The following AIG1 variants were observed in gnomAD, a reference collection of about 807,000 sequenced individuals.
AIG1 encodes androgen-induced gene 1 protein.
Under a neutral mutation model 31.4 loss-of-function variants are expected in AIG1, and 23 were observed. That is an observed-to-expected ratio of 0.73 (90% CI 0.53 to 1.04). The LOEUF is 1.04. Ranked by LOEUF, AIG1 falls within the 50% of genes least tolerant of loss-of-function variation. AIG1 has a pLI of 0.00. For missense variants in AIG1, 274 were observed against 295.0 expected, an observed-to-expected ratio of 0.93 and a Z score of 0.52; for synonymous variants, 100 against 110.5, an observed-to-expected ratio of 0.90 and a Z score of 0.60.
At chr6:143,343,851 G>A (rs117122036), downstream of AIG1, among the ~76,000 whole-genome samples, 1,174 of 152,184 alleles carry the variant, frequency 7.7e-3, 37 homozygotes, top group Admixed American at 0.049. Flanking sequence ...CCTATTAGTT[G>A]TTTTTAATAA....
intron 4 of AIG1, among the ~76,000 whole-genome samples, chr6:143,308,080 A>G (rs919763004): frequency 9.2e-5 from 14 of 152,098 alleles, no homozygotes; most frequent in Non-Finnish European, 1.9e-4. Context: ...TTGGGGTGGG[A>G]GTGACCCGAT....
At position 143,205,844 on chromosome 6, in the gene AIG1, T is replaced by C. The variant is rs550442361; in HGVS notation, c.399+40661T>C. On this transcript the variant is annotated intron_variant, in intron 3 of 5. Transcript: ENST00000357847. ...ACAAAAGCTTTTAATAAAATACAGATTGCAGGGCAAAGAAAAGTATCAACC... is the reference window on the plus strand; with the variant it reads ...ACAAAAGCTTTTAATAAAATACAGACTGCAGGGCAAAGAAAAGTATCAACC... Among the ~76,000 whole-genome samples the C allele has an allele frequency of 9.8e-5, 15 of 152,330 alleles. 2 individuals are homozygous for C. Among genetic ancestry groups the C allele is most frequent in the African/African-American group, 3.6e-4 (15 of 41,578 alleles).
intron 1 of AIG1, among the ~76,000 whole-genome samples, chr6:143,097,562 T>A (rs1323047051): frequency 6.6e-6 from 1 of 152,174 alleles, no homozygotes; most frequent in Non-Finnish European, 1.5e-5. Context: ...AAATATCCAA[T>A]GAGCGCTCCG....
At position 143,189,073 on chromosome 6, in the gene AIG1, A is replaced by G. The variant is rs573894185; in HGVS notation, c.399+23890A>G. 39 of 913,330 alleles carry G rather than the reference A, an allele frequency of 4.3e-5. No individual in the cohort carries two copies. In the South Asian group the frequency reaches 7.6e-4, roughly 18 times the overall value. The allele number at this position is 913,330 out of a possible 1,614,324, so 56.6% of individuals were successfully genotyped here. A position where few individuals can be genotyped will look rare whatever the true frequency, so the allele number is the denominator to read the frequency against. Reference sequence around the variant, plus strand: ...TTTTTGGAGACTTTTTAAGAGTCTCACTGTGTCATCCAGGCTGGAATACAC... The same window carrying G: ...TTTTTGGAGACTTTTTAAGAGTCTCGCTGTGTCATCCAGGCTGGAATACAC... On this transcript the variant is annotated intron_variant, in intron 3 of 5. Transcript: ENST00000357847.
intron 3 of AIG1, among the ~76,000 whole-genome samples, chr6:143,196,333 TCAAAAGCAA>T (rs1041216736): frequency 2.1e-5 from 3 of 142,438 alleles, no homozygotes; most frequent in African/African-American, 5.3e-5. Context: ...TGTCAGCACA[TCAAAAGCAA>T]CAAAAGCAAC....
intron 5 of AIG1, chr6:143,335,251 T>G: frequency 2.5e-6 from 2 of 808,596 alleles, no homozygotes; most frequent in Non-Finnish European, 1.7e-6. Flanking sequence ...TGGGTGATTT[T>G]GGCTGGGCGC....
intron 3 of AIG1, among the ~76,000 whole-genome samples, chr6:143,237,308 T>C (rs1193515462): frequency 6.6e-6 from 1 of 152,226 alleles, no homozygotes; most frequent in Admixed American, 6.5e-5. Context: ...AAGCTTATAA[T>C]GTAGTTGAGG....
At chr6:143,197,572 C>A (rs1790354843) in intron 3 of AIG1, among the ~76,000 whole-genome samples, 1 of 152,178 alleles carries the variant, frequency 6.6e-6, no homozygotes, top group Non-Finnish European at 1.5e-5. Flanking sequence ...GCATCCCCTG[C>A]AGTTGGTTCT....
At chr6:143,339,339 G>A (rs1401775608) in intron 5 of AIG1, 2 of 216,408 alleles carry the variant, frequency 9.2e-6, no homozygotes, top group African/African-American at 2.3e-5. Flanking sequence ...AACTCAGCAA[G>A]TCATGAATCA....
At chr6:143,316,400 T>C (rs976536413) in intron 4 of AIG1, among the ~76,000 whole-genome samples, 1 of 152,082 alleles carries the variant, frequency 6.6e-6, no homozygotes, top group African/African-American at 2.4e-5. Flanking sequence ...TTGTTTTGTT[T>C]AAGGAGGCCA....
chr6:143,172,431 G>A (rs1283216185), intron 3 of AIG1, among the ~76,000 whole-genome samples: 1 of 152,088 alleles, frequency 6.6e-6, no homozygotes, highest in African/African-American at 2.4e-5. Context: ...TGATCATGGT[G>A]GATTATCTTT....
At chr6:143,173,005 A>G (rs1031900867) in intron 3 of AIG1, among the ~76,000 whole-genome samples, 5 of 151,824 alleles carry the variant, frequency 3.3e-5, no homozygotes, top group African/African-American at 1.2e-4. Context: ...TTATCTTTAT[A>G]AAGAGTCAAC....
At chr6:143,233,728 A>C (rs968640593) in intron 3 of AIG1, among the ~76,000 whole-genome samples, 3 of 152,254 alleles carry the variant, frequency 2.0e-5, no homozygotes, top group Admixed American at 1.3e-4. Context: ...GATTGGCCTA[A>C]ACTCAGTGAT....
chr6:143,312,415 A>G (rs1488841356), intron 4 of AIG1, among the ~76,000 whole-genome samples: 1 of 152,102 alleles, frequency 6.6e-6, no homozygotes, highest in East Asian at 1.9e-4. Flanking sequence ...AAGAACTGCA[A>G]TAAACCCATT....
chr6:143,210,146 T>C (rs895860302), intron 3 of AIG1, among the ~76,000 whole-genome samples: 1 of 152,202 alleles, frequency 6.6e-6, no homozygotes, highest in African/African-American at 2.4e-5. Flanking sequence ...TATAAGGGGC[T>C]TTTCCCCCTT....
intron 1 of AIG1, among the ~76,000 whole-genome samples, chr6:143,128,638 G>C (rs1317666538): frequency 2.0e-5 from 3 of 152,176 alleles, no homozygotes; most frequent in African/African-American, 4.8e-5. Context: ...AGATCCACTT[G>C]TGCATCTCCA....
At chr6:143,189,897 A>T in intron 3 of AIG1, 2 of 863,146 alleles carry the variant, frequency 2.3e-6, no homozygotes, top group Non-Finnish European at 2.8e-6. Context: ...TTTATTTATC[A>T]TAGTTCTAGA....
In AIG1 at chr6:143,139,679, T is replaced by TC. The variant is rs1784089786; in HGVS notation, c.297+2695dup. Among the ~76,000 whole-genome samples the TC allele has an allele frequency of 4.6e-5, 7 of 152,178 alleles. No homozygotes were observed. The South Asian group carries it at 1.2e-3, about 27-fold the overall frequency. ...GAAAGTGACATTTCTTTCTCTCTTTTCCCCCCTCCTTTCTCTCTCTCCTCT... is the reference window on the plus strand; with the variant it reads ...GAAAGTGACATTTCTTTCTCTCTTTTCCCCCCCTCCTTTCTCTCTCTCCTCT... On this transcript the variant is annotated intron_variant, in intron 2 of 5. Coordinates refer to ENST00000357847, the MANE Select transcript of AIG1 (RefSeq NM_016108.4).
chr6:143,077,150 T>A (rs567741118), intron 1 of AIG1, among the ~76,000 whole-genome samples: 1 of 152,298 alleles, frequency 6.6e-6, no homozygotes, highest in East Asian at 1.9e-4. Context: ...CCCTCCTTGA[T>A]TTGTGTCATA....
Sources: allele counts gnomAD v4.1 joint callset (sites outside exome capture counted in the v4.1 genomes callset), GRCh38; gene constraint gnomAD v4.1.1; transcripts MANE v1.5; gene names NCBI Gene and HGNC (gene_info 2026-07-23, HGNC 2026-07-21).